The following CNOT2 variants were observed in gnomAD, a reference collection of about 807,000 sequenced individuals.
CNOT2 encodes CCR4-NOT transcription complex subunit 2.
Under a neutral mutation model 72.1 loss-of-function variants are expected in CNOT2, and 7 were observed. The ratio of observed to expected loss-of-function variants is 0.10; its 90% confidence interval spans 0.06 to 0.18. The LOEUF (loss-of-function observed/expected upper bound fraction) is 0.18, where lower values mean the gene tolerates loss of function less well. CNOT2 is among the 10% of genes least tolerant of loss of function. CNOT2 has a pLI of 1.00. For missense variants in CNOT2, 345 were observed against 660.3 expected (o/e 0.52, Z 5.23); for synonymous variants, 196 against 225.6 (o/e 0.87, Z 1.17).
chr12:70,270,384 C>T (rs1212076036), intron 1 of CNOT2, among the ~76,000 whole-genome samples: 1 of 152,092 alleles, frequency 6.6e-6, no homozygotes, highest in East Asian at 1.9e-4. Context: ...CAAATATTCT[C>T]AATTCAGTAG....
rs755578360 is a variant in CNOT2, at chr12:70,342,154, G to A, written c.1226G>A (p.Arg409Gln). 3.1e-6 allele frequency: 5 copies of A among 1,610,532 alleles called. No homozygotes were observed. The highest frequency in any genetic ancestry group is 1.7e-5 in the Admixed American group (1 of 59,974). The change falls in exon 12 of 16, where the codon CGA becomes CAA. Residue 409 changes from arginine (R) to glutamine (Q), a missense_variant. By Grantham distance (43) the Arg-to-Gln change is conservative. Around this residue, in one of 4 missense-constraint regions of CNOT2, gnomAD observed 128 missense variants for 233.0 expected, o/e 0.55. Coordinates refer to ENST00000229195, the MANE Select transcript of CNOT2 (RefSeq NM_014515.7). Reference sequence around the variant, plus strand: ...TCACCCTGGGCATCTTCACCTTGTCGACCTCAAGACATAGGTAGGAGAATC... The same window carrying A: ...TCACCCTGGGCATCTTCACCTTGTCAACCTCAAGACATAGGTAGGAGAATC... ...FASPWASSPC[R>Q]PQDIDFHVPS...
chr12:70,304,409 T>G (rs1874800064), intron 2 of CNOT2, among the ~76,000 whole-genome samples: 1 of 152,220 alleles, frequency 6.6e-6, no homozygotes, highest in African/African-American at 2.4e-5. Flanking sequence ...TTTGTTAGTT[T>G]TCCTTCTAAC....
chr12:70,337,245 A>G (rs1880825707), intron 8 of CNOT2, 144 bp from the exon 9 acceptor site: 1 of 572,420 alleles, frequency 1.7e-6, no homozygotes, highest in Admixed American at 3.1e-5. Flanking sequence ...GTTACCCTGG[A>G]TACTAATTTT....
At chr12:70,301,398 A>G (rs150480486) in intron 2 of CNOT2, among the ~76,000 whole-genome samples, 31 of 152,298 alleles carry the variant, frequency 2.0e-4, no homozygotes, top group African/African-American at 6.3e-4. Context: ...ATGTCCCATC[A>G]ATACCTAATT....
intron 1 of CNOT2, among the ~76,000 whole-genome samples, chr12:70,257,098 T>G (rs1284387823): frequency 6.6e-6 from 1 of 152,220 alleles, no homozygotes; most frequent in African/African-American, 2.4e-5. Context: ...GTTTGTACAT[T>G]TATTTCTTTA....
At chr12:70,260,792 TATC>T (rs1273475873) in intron 1 of CNOT2, among the ~76,000 whole-genome samples, 1 of 152,078 alleles carries the variant, frequency 6.6e-6, no homozygotes, top group Non-Finnish European at 1.5e-5. Flanking sequence ...TTATCTATGA[TATC>T]ATGTAATCTG....
intron 1 of CNOT2, among the ~76,000 whole-genome samples, chr12:70,274,294 A>T (rs975547503): frequency 6.6e-6 from 1 of 152,112 alleles, no homozygotes; most frequent in Admixed American, 6.6e-5. Flanking sequence ...ATGTAGTTCT[A>T]GAATTTGAGG....
intron 15 of CNOT2, chr12:70,347,931 A>G (rs575647103): frequency 1.3e-5 from 2 of 152,360 alleles, no homozygotes; most frequent in Admixed American, 1.3e-4. Flanking sequence ...AGTATACAGT[A>G]GAAAGCTATA....
At chr12:70,331,187 A>G (rs1879885037) in intron 6 of CNOT2, 1 of 151,904 alleles carries the variant, frequency 6.6e-6, no homozygotes, top group Admixed American at 6.6e-5. Context: ...TGTAGGGGCA[A>G]AACTACCTTG....
intron 1 of CNOT2, among the ~76,000 whole-genome samples, chr12:70,274,084 T>C (rs1868370095): frequency 6.6e-6 from 1 of 152,158 alleles, no homozygotes; most frequent in African/African-American, 2.4e-5. Flanking sequence ...AATATGGCAA[T>C]TTTCCCAGAC....
intron 2 of CNOT2, among the ~76,000 whole-genome samples, chr12:70,306,278 C>T (rs1234138957): frequency 2.0e-5 from 3 of 152,142 alleles, no homozygotes; most frequent in Admixed American, 2.0e-4. Flanking sequence ...ACCTCAGCCT[C>T]CTGAGTAGCT....
intron 1 of CNOT2, among the ~76,000 whole-genome samples, chr12:70,255,269 C>A (rs186201589): frequency 6.6e-6 from 1 of 152,188 alleles, no homozygotes; most frequent in Non-Finnish European, 1.5e-5. Flanking sequence ...TTCTCTTTAT[C>A]ATTGTTAGCC....
chr12:70,259,637 C>T (rs922242040), intron 1 of CNOT2, among the ~76,000 whole-genome samples: 2 of 152,122 alleles, frequency 1.3e-5, no homozygotes, highest in Non-Finnish European at 2.9e-5. Context: ...TTCTTTTGCT[C>T]AACATAATTT....
At chr12:70,327,663 A>G (rs188290016) in intron 4 of CNOT2, 3 of 151,914 alleles carry the variant, frequency 2.0e-5, no homozygotes, top group East Asian at 1.9e-4. Flanking sequence ...ATTTGCAGCT[A>G]TAGTTGACTT....
At chr12:70,250,623 A>T (rs1259649187) in intron 1 of CNOT2, among the ~76,000 whole-genome samples, 1 of 152,128 alleles carries the variant, frequency 6.6e-6, no homozygotes. Flanking sequence ...AATTGATTAG[A>T]AATGGAAAAA....
At chr12:70,274,910 ATC>A (rs1216344486) in intron 1 of CNOT2, among the ~76,000 whole-genome samples, 3 of 151,624 alleles carry the variant, frequency 2.0e-5, no homozygotes, top group South Asian at 4.2e-4. Flanking sequence ...TACTCTGTTT[ATC>A]CATTCACCTA....
intron 3 of CNOT2, 28 bp from the exon 4 acceptor site, chr12:70,319,270 T>C (rs1877891166): frequency 1.3e-6 from 2 of 1,597,508 alleles, no homozygotes; most frequent in South Asian, 1.1e-5. Flanking sequence ...GTTTTCTTTA[T>C]GCTCTAATAT....
At chr12:70,291,342 A>G (rs1403924496) in intron 2 of CNOT2, among the ~76,000 whole-genome samples, 1 of 152,228 alleles carries the variant, frequency 6.6e-6, no homozygotes, top group African/African-American at 2.4e-5. Context: ...TTTCAAGGAA[A>G]AAGGAAAGAC....
chr12:70,318,952 A>G, intron 3 of CNOT2: 1 of 166,412 alleles, frequency 6.0e-6, no homozygotes, highest in East Asian at 1.6e-4. Flanking sequence ...TACAAGTGCC[A>G]TGAAGTTCAC....
Sources: gnomAD v4.1 joint callset for allele counts (sites outside exome capture counted in the v4.1 genomes callset) on GRCh38, gnomAD v4.1.1 for gene constraint, gnomAD v4.1.1 regional missense constraint, MANE v1.5 for transcripts, NCBI Gene and HGNC (gene_info 2026-07-23, HGNC 2026-07-21) for gene names.